The following PARD3 variants were observed in gnomAD, a reference collection of about 807,000 sequenced individuals.
PARD3 encodes par-3 family cell polarity regulator.
In PARD3, 75 loss-of-function variants were observed where a neutral mutation model predicts 155.4. The ratio of observed to expected loss-of-function variants is 0.48; its 90% CI spans 0.40 to 0.58. The LOEUF (loss-of-function observed/expected upper bound fraction) is 0.58. Ranked by LOEUF, PARD3 falls within the 20% of genes least tolerant of loss-of-function variation. The pLI, the probability that PARD3 is intolerant of heterozygous loss-of-function variation, is 0.00. For missense variants in PARD3, 1,642 were observed against 1,721.7 expected, an observed-to-expected ratio of 0.95 and a Z score of 0.82; for synonymous variants, 576 against 610.5, an observed-to-expected ratio of 0.94 and a Z score of 0.83.
chr10:34,159,406 T>C (rs1564442370), intron 22 of PARD3, among the ~76,000 whole-genome samples: 1 of 152,198 alleles, frequency 6.6e-6, no homozygotes, highest in Non-Finnish European at 1.5e-5. Context: ...TGCAAATAAC[T>C]CTTTCACTCT....
chr10:34,260,638 T>G (rs1954907981), intron 22 of PARD3, among the ~76,000 whole-genome samples: 1 of 152,216 alleles, frequency 6.6e-6, no homozygotes, highest in Non-Finnish European at 1.5e-5. Context: ...AGGCCCAGGT[T>G]GGATGGAGCA....
At chr10:34,327,608 C>T (rs1243309437) in intron 19 of PARD3, among the ~76,000 whole-genome samples, 1 of 152,232 alleles carries the variant, frequency 6.6e-6, no homozygotes, top group East Asian at 1.9e-4. Context: ...TCAGAGCCTG[C>T]AGCACGGTGC....
intron 1 of PARD3, among the ~76,000 whole-genome samples, chr10:34,740,297 G>T (rs927326413): frequency 6.6e-6 from 1 of 152,218 alleles, no homozygotes; most frequent in Non-Finnish European, 1.5e-5. Context: ...GCCCTCCTGG[G>T]TTCTGAGACA....
In PARD3 at chr10:34,531,112, G is replaced by T. The variant is rs114114739; in HGVS notation, c.223-13953C>A. Among the ~76,000 whole-genome samples the T allele has an allele frequency of 2.2e-3, 332 of 152,266 alleles. 3 individuals are homozygous for T. Among genetic ancestry groups the T allele is most frequent in the African/African-American group, 7.4e-3 (309 of 41,544 alleles). The stretch of plus-strand genomic sequence containing the variant: ...AGGGGTTAGCAGCTTTGTAGATGAG[G>T]GCAGTCCTGACTGCCTCTGCTCAAT... On this transcript the variant is annotated intron_variant, in intron 2 of 24. Coordinates refer to ENST00000374788, the MANE Select transcript of PARD3 (RefSeq NM_001184785.2).
In PARD3 at chr10:34,355,924, CAAAAAAA is replaced by C. The variant is rs869284165; in HGVS notation, c.2067+3216_2067+3222del. On this transcript the variant is annotated intron_variant, in intron 14 of 24. Coordinates refer to ENST00000374788, the MANE Select transcript of PARD3 (RefSeq NM_001184785.2). Reference sequence around the variant, plus strand: ...TAGGCAACAGAGTGACACTCCGTCTCAAAAAAAAAAAAAAAAAAAAAACAAAACAAAA... The same window carrying C: ...TAGGCAACAGAGTGACACTCCGTCTCAAAAAAAAAAAAAAACAAAACAAAA... Among the ~76,000 whole-genome samples the C allele has an allele frequency of 3.3e-4, 14 of 42,742 alleles. No individual in the cohort carries two copies. In the South Asian group the frequency reaches 0.012, roughly 36 times the overall value. The allele number at this position is 42,742 out of a possible 152,430, so 28.0% of individuals were successfully genotyped here.
intron 1 of PARD3, among the ~76,000 whole-genome samples, chr10:34,749,815 G>A (rs1835762320): frequency 6.6e-6 from 1 of 152,090 alleles, no homozygotes. Context: ...GAGTTCAGGA[G>A]TTTGAGACCA....
chr10:34,513,988 T>C (rs1442479583), intron 3 of PARD3, among the ~76,000 whole-genome samples: 4 of 152,168 alleles, frequency 2.6e-5, no homozygotes, highest in Non-Finnish European at 5.9e-5. Context: ...TCTCTCTGTA[T>C]TTTCTACAAA....
intron 15 of PARD3, chr10:34,346,584 C>T (rs756659278): frequency 9.0e-7 from 1 of 1,105,122 alleles, no homozygotes; most frequent in Non-Finnish European, 1.2e-6. Context: ...AAGATTTATA[C>T]CAAAGCCAAG....
intron 9 of PARD3, among the ~76,000 whole-genome samples, chr10:34,381,726 G>C (rs1216053325): frequency 6.6e-6 from 1 of 151,888 alleles, no homozygotes; most frequent in Non-Finnish European, 1.5e-5. Context: ...GAGGCCAGGA[G>C]TTCCAGATCA....
chr10:34,465,495 A>G (rs1190148535), intron 4 of PARD3, among the ~76,000 whole-genome samples: 2 of 152,248 alleles, frequency 1.3e-5, no homozygotes, highest in African/African-American at 4.8e-5. Flanking sequence ...TATTGGAAAG[A>G]TAGCAAACAT....
chr10:34,411,765 T>TAGAC (rs1845093968), intron 5 of PARD3, among the ~76,000 whole-genome samples: 2 of 149,456 alleles, frequency 1.3e-5, no homozygotes, highest in African/African-American at 5.1e-5. Flanking sequence ...GATAGATAGA[T>TAGAC]AGATAGATAG....
chr10:34,632,747 C>A (rs187194132), intron 2 of PARD3, among the ~76,000 whole-genome samples: 1 of 152,328 alleles, frequency 6.6e-6, no homozygotes, highest in East Asian at 1.9e-4. Context: ...GCGTACAGCT[C>A]TAGAGGATAA....
At chr10:34,332,799 G>A (rs1164744195) in intron 18 of PARD3, among the ~76,000 whole-genome samples, 1 of 152,126 alleles carries the variant, frequency 6.6e-6, no homozygotes, top group Non-Finnish European at 1.5e-5. Flanking sequence ...AAGTTCATGA[G>A]ATTTATTTCT....
At chr10:34,377,740 A>C (rs781339396) in intron 10 of PARD3, among the ~76,000 whole-genome samples, 37 of 152,308 alleles carry the variant, frequency 2.4e-4, no homozygotes, top group Non-Finnish European at 4.4e-4. Flanking sequence ...CAGCTGGGGC[A>C]ACATAGCAAG....
Position 34,467,890 on chromosome 10 carries a change from G to C in PARD3, c.582+2195C>G, listed in dbSNP as rs575680775. Among the ~76,000 whole-genome samples the C allele has an allele frequency of 2.0e-5, 3 of 152,268 alleles. No individual in the cohort carries two copies. The East Asian group carries it at 5.8e-4, about 29-fold the overall frequency. On this transcript the variant is annotated intron_variant, in intron 4 of 24. Coordinates refer to ENST00000374788, the MANE Select transcript of PARD3 (RefSeq NM_001184785.2). ...TTAAGGCTAATGTTCTACTTCCCAG[G>C]CTCTTCTGCAGAGAAGGGTCTAGAT...
At chr10:34,306,894 T>A (rs1409685391) in intron 20 of PARD3, among the ~76,000 whole-genome samples, 1 of 144,776 alleles carries the variant, frequency 6.9e-6, no homozygotes, top group East Asian at 1.9e-4. Flanking sequence ...CCAAAAGTAT[T>A]TTTTTTTTTT....
chr10:34,164,876 G>A (rs775454178), intron 22 of PARD3, among the ~76,000 whole-genome samples: 14 of 152,104 alleles, frequency 9.2e-5, no homozygotes, highest in African/African-American at 1.2e-4. Context: ...TTTCTGAAGC[G>A]CACTGACTAA....
chr10:34,604,063 G>A (rs2090018027), intron 2 of PARD3, among the ~76,000 whole-genome samples: 1 of 152,094 alleles, frequency 6.6e-6, no homozygotes. Context: ...AATCCCCTCA[G>A]GCCACAAAAC....
intron 1 of PARD3, among the ~76,000 whole-genome samples, chr10:34,733,923 C>T (rs575732822): frequency 1.3e-5 from 2 of 150,734 alleles, no homozygotes; most frequent in Non-Finnish European, 2.9e-5. Context: ...GTAAATTATG[C>T]TTCTGCGAAA....
Sources: gnomAD v4.1 joint callset for allele counts (sites outside exome capture counted in the v4.1 genomes callset) on GRCh38, gnomAD v4.1.1 for gene constraint, MANE v1.5 for transcripts, NCBI Gene and HGNC (gene_info 2026-07-23, HGNC 2026-07-21) for gene names.